The following KRTAP10-9 variants were observed in gnomAD, a reference collection of about 807,000 sequenced individuals.
KRTAP10-9 encodes the protein keratin associated protein 10-9.
A neutral mutation model predicts 0.5 loss-of-function variants in KRTAP10-9; 1 was observed. The ratio of observed to expected loss-of-function variants is 1.92; its 90% CI spans 0.68 to 9.09. The LOEUF (loss-of-function observed/expected upper bound fraction) is 9.09, where lower values mean the gene tolerates loss of function less well. Ranked by LOEUF, KRTAP10-9 falls within the 30% of genes most tolerant of loss-of-function variation. KRTAP10-9 has a pLI of 0.13. For missense variants in KRTAP10-9, 391 were observed against 376.4 expected, an observed-to-expected ratio of 1.04 and a Z score of -0.32; for synonymous variants, 199 against 159.8, an observed-to-expected ratio of 1.25 and a Z score of -1.85.
In KRTAP10-9 at chr21:44,627,823, G is replaced by A; in HGVS notation, c.652G>A (p.Ala218Thr). Residue 218 changes from alanine (A) to threonine (T), a missense_variant, in exon 1 of 1, where the codon GCT becomes ACT. Coordinates refer to ENST00000397911, the MANE Select transcript of KRTAP10-9 (RefSeq NM_198690.3). ...CTGCCAGCAGTCTGGCTGCCAGCCGGCTTGCTGCACCACCTCCTGCTGCAG... is the reference window on the plus strand; with the variant it reads ...CTGCCAGCAGTCTGGCTGCCAGCCGACTTGCTGCACCACCTCCTGCTGCAG... ...LCCQQSGCQP[A>T]CCTTSCCRPS... 6.2e-7 allele frequency: 1 copy of A among 1,613,630 alleles called. No homozygotes were observed. Among genetic ancestry groups the A allele is most frequent in the South Asian group, 1.1e-5 (1 of 91,012 alleles).
At position 44,627,258 on chromosome 21, in the gene KRTAP10-9, C is replaced by T. The variant is rs782342104; in HGVS notation, c.87C>T (p.Pro29=). The T allele has an allele frequency of 2.5e-6, 4 of 1,612,604 alleles. No homozygotes were observed. The highest frequency in any genetic ancestry group is 2.7e-5 in the African/African-American group (2 of 74,892). The change falls in exon 1 of 1, where the codon CCC becomes CCT. Residue 29 remains proline, a synonymous_variant. Coordinates refer to ENST00000397911, the MANE Select transcript of KRTAP10-9 (RefSeq NM_198690.3). The part of the protein sequence containing the change: ...VDDCPESCCE[P]PCCATSCCAP... The stretch of plus-strand genomic sequence containing the variant: ...ACTGCCCAGAGAGCTGCTGTGAGCC[C>T]CCCTGCTGCGCCACCAGCTGCTGCG...
rs201634375 is a variant in KRTAP10-9, at chr21:44,627,271, A to C, written c.100A>C (p.Thr34Pro). 1.1e-3 allele frequency: 1,709 copies of C among 1,612,302 alleles called. 15 individuals are homozygous for C. The highest frequency in any genetic ancestry group is 2.6e-3 in the Middle Eastern group (13 of 4,948). Residue 34 changes from threonine to proline, a missense_variant, in exon 1 of 1, where the codon ACC (threonine) becomes CCC (proline). By Grantham distance (38) the Thr-to-Pro change is conservative (BLOSUM62 -1). Coordinates refer to ENST00000397911, the MANE Select transcript of KRTAP10-9 (RefSeq NM_198690.3). ...ESCCEPPCCA[T>P]SCCAPAPCLT... ...CTGCTGTGAGCCCCCCTGCTGCGCC[A>C]CCAGCTGCTGCGCCCCGGCCCCCTG...
In KRTAP10-9 at chr21:44,627,361, C is replaced by T. The variant is rs782757207; in HGVS notation, c.190C>T (p.Pro64Ser). Residue 64 changes from proline (P) to serine (S), a missense_variant, in exon 1 of 1, where the codon CCC (proline) becomes TCC (serine). Pro to Ser is a moderately conservative substitution (Grantham distance 74, BLOSUM62 -1). Coordinates refer to ENST00000397911, the MANE Select transcript of KRTAP10-9 (RefSeq NM_198690.3). ...CCCCTGCTGCCAGGTGACCTGTGAG[C>T]CCAGCCCCTGCCAATCAGGCTGCAC... ...SSPCCQVTCE[P>S]SPCQSGCTSS... The T allele has an allele frequency of 2.1e-5, 34 of 1,613,558 alleles. No individual in the cohort carries two copies. The highest frequency in any genetic ancestry group is 2.6e-5 in the Non-Finnish European group (31 of 1,179,966).
rs782020384 is a variant in KRTAP10-9, at chr21:44,627,719, G to C, written c.548G>C (p.Cys183Ser). 3.8e-6 allele frequency: 6 copies of C among 1,594,936 alleles called. No homozygotes were observed. In the African/African-American group the frequency reaches 6.7e-5, roughly 18 times the overall value. ...TCCTCCCCCTGCCAGCAGTCCTACT[G>C]TGTGCCTGTCTGCTGTAAGCCTGTC... ...CTSSPCQQSY[C>S]VPVCCKPVCC... The change falls in exon 1 of 1, where the codon TGT (cysteine) becomes TCT (serine). Residue 183 changes from cysteine (C) to serine (S), a missense_variant. Coordinates refer to ENST00000397911, the MANE Select transcript of KRTAP10-9 (RefSeq NM_198690.3).
rs781816025 is a variant in KRTAP10-9, at chr21:44,627,585, G to A, written c.414G>A (p.Pro138=). 6.8e-6 allele frequency: 11 copies of A among 1,612,804 alleles called. No homozygotes were observed. Among genetic ancestry groups the A allele is most frequent in the African/African-American group, 1.3e-5 (1 of 74,502 alleles). Residue 138 remains proline (P), a synonymous_variant, in exon 1 of 1, where the codon CCG becomes CCA. Coordinates refer to ENST00000397911, the MANE Select transcript of KRTAP10-9 (RefSeq NM_198690.3). ...PACCASSSCQ[P]ACCVPVCCKP... ...GCTGTGCCTCTTCCTCCTGCCAGCC[G>A]GCCTGCTGTGTGCCCGTCTGCTGCA...
In KRTAP10-9 at chr21:44,627,735, T is replaced by C. The variant is rs1363128616; in HGVS notation, c.564T>C (p.Cys188=). The C allele has an allele frequency of 2.5e-6, 4 of 1,594,556 alleles. No individual in the cohort carries two copies. The highest frequency in any genetic ancestry group is 1.3e-5 in the African/African-American group (1 of 74,376). The change falls in exon 1 of 1, where the codon TGT becomes TGC. Residue 188 remains cysteine, a synonymous_variant. Transcript: ENST00000397911. ...CQQSYCVPVC[C]KPVCCKPICC... ...AGTCCTACTGTGTGCCTGTCTGCTGTAAGCCTGTCTGCTGCAAACCCATCT... is the reference window on the plus strand; with the variant it reads ...AGTCCTACTGTGTGCCTGTCTGCTGCAAGCCTGTCTGCTGCAAACCCATCT...
Position 44,627,741 on chromosome 21 carries a change from T to C in KRTAP10-9, c.570T>C (p.Pro190=), listed in dbSNP as rs782817682. ...ACTGTGTGCCTGTCTGCTGTAAGCC[T>C]GTCTGCTGCAAACCCATCTGCTGTG... ...QSYCVPVCCK[P]VCCKPICCVP... is the part of the protein sequence containing the mutation. The change falls in exon 1 of 1, where the codon CCT becomes CCC. Residue 190 remains proline, a synonymous_variant. Coordinates refer to ENST00000397911, the MANE Select transcript of KRTAP10-9 (RefSeq NM_198690.3). 9.4e-6 allele frequency: 15 copies of C among 1,594,480 alleles called. No individual in the cohort carries two copies. The South Asian group carries it at 1.3e-4, about 14-fold the overall frequency.
chr21:44,627,893 C>A lies in KRTAP10-9; in HGVS notation c.722C>A (p.Pro241His). Residue 241 changes from proline (P) to histidine (H), a missense_variant, in exon 1 of 1, where the codon CCC becomes CAC. Pro to His is a moderately conservative substitution (Grantham distance 77, BLOSUM62 -2). Transcript: ENST00000397911. ...VSLLCRPVCR[P>H]ACCVPVSSCC... The stretch of plus-strand genomic sequence containing the variant: ...CTCCTCTGCCGCCCTGTGTGCAGGC[C>A]CGCCTGCTGCGTGCCCGTCTCCTCC... 1 of 1,611,464 alleles carries A rather than the reference C, an allele frequency of 6.2e-7. No homozygotes were observed. The highest frequency in any genetic ancestry group is 8.5e-7 in the Non-Finnish European group (1 of 1,178,476).
rs1601503760 is a variant in KRTAP10-9, at chr21:44,627,841, T to C, written c.670T>C (p.Cys224Arg). Residue 224 changes from cysteine to arginine, a missense_variant, in exon 1 of 1, where the codon TGC becomes CGC. Coordinates refer to ENST00000397911, the MANE Select transcript of KRTAP10-9 (RefSeq NM_198690.3). ...GCQPACCTTS[C>R]CRPSSSVSLL... ...CCAGCCGGCTTGCTGCACCACCTCC[T>C]GCTGCAGACCCTCCTCCTCTGTGTC... is the stretch of plus-strand genomic sequence containing the variant. The C allele has an allele frequency of 6.2e-7, 1 of 1,613,934 alleles. No individual in the cohort carries two copies. Among genetic ancestry groups the C allele is most frequent in the Non-Finnish European group, 8.5e-7 (1 of 1,179,896 alleles).
At position 44,627,321 on chromosome 21, in the gene KRTAP10-9, G is replaced by A. The variant is rs782478571; in HGVS notation, c.150G>A (p.Val50=). The part of the protein sequence containing the change: ...APCLTLVCTP[V]SRVSSPCCQV... ...GCCTGACCCTGGTCTGCACCCCAGT[G>A]AGCCGTGTATCCAGCCCCTGCTGCC... Residue 50 remains valine (V), a synonymous_variant, in exon 1 of 1, where the codon GTG becomes GTA. Transcript: ENST00000397911. 8.7e-5 allele frequency: 141 copies of A among 1,612,874 alleles called. No homozygotes were observed. The highest frequency in any genetic ancestry group is 1.2e-4 in the Non-Finnish European group (140 of 1,179,952).
chr21:44,628,221 C>G lies in KRTAP10-9; in HGVS notation c.*171C>G, dbSNP rs112351109. On this transcript the variant is annotated 3_prime_UTR_variant, in exon 1 of 1. Coordinates refer to ENST00000397911, the MANE Select transcript of KRTAP10-9 (RefSeq NM_198690.3). ...ACTGGCTCCTCCCTGACCTCCCCCC[C>G]GGGCAGGCGAGCCCTGGCTTCTCCT... The G allele has an allele frequency of 4.1e-5, 29 of 701,794 alleles. No individual in the cohort carries two copies. The highest frequency in any genetic ancestry group is 3.6e-4 in the African/African-American group (16 of 44,532). The allele number at this position is 701,794 out of a possible 1,614,324, so 43.5% of individuals were successfully genotyped here.
rs587626492 is a variant in KRTAP10-9, at chr21:44,628,331, C to G, written c.*281C>G. On this transcript the variant is annotated 3_prime_UTR_variant, in exon 1 of 1. Coordinates refer to ENST00000397911, the MANE Select transcript of KRTAP10-9 (RefSeq NM_198690.3). ...CTCCTGACCCGGGTCTCACCCCCAG[C>G]AGCGTCACCCTCTGCCCCTGAGCAC... 18 of 383,182 alleles carry G rather than the reference C, an allele frequency of 4.7e-5. No individual in the cohort carries two copies. The highest frequency in any genetic ancestry group is 3.4e-4 in the East Asian group (9 of 26,554). 23.7% of individuals were successfully genotyped at this position (383,182 alleles called of 1,614,324 possible). A position where few individuals can be genotyped will look rare whatever the true frequency, so the allele number is the denominator to read the frequency against.
Position 44,627,946 on chromosome 21 carries a change from C to T in KRTAP10-9, c.775C>T (p.Pro259Ser), listed in dbSNP as rs201168617. ...SCCAPTSSRQPSYCRQASCVS... is the reference protein window; with the variant it reads ...SCCAPTSSRQSSYCRQASCVS... The stretch of plus-strand genomic sequence containing the variant: ...CTGTGCCCCCACCTCCTCCCGCCAG[C>T]CCAGCTATTGCCGCCAGGCCTCCTG... The change falls in exon 1 of 1, where the codon CCC (proline) becomes TCC (serine). Residue 259 changes from proline (P) to serine (S), a missense_variant. By Grantham distance (74) the Pro-to-Ser change is moderately conservative. Transcript: ENST00000397911. The T allele has an allele frequency of 2.5e-4, 384 of 1,518,200 alleles. No individual in the cohort carries two copies. Among genetic ancestry groups the T allele is most frequent in the Middle Eastern group, 8.7e-4 (5 of 5,770 alleles). The allele number at this position is 1,518,200 out of a possible 1,614,324, so 94.0% of individuals were successfully genotyped here.
chr21:44,627,666 G>A lies in KRTAP10-9; in HGVS notation c.495G>A (p.Gln165=), dbSNP rs1982934275. Reference sequence around the variant, plus strand: ...AGGATTCCTATTCATGCTGCCAACAGTCTAGCTGCCAGCCAGCTTGCTGCA... The same window carrying A: ...AGGATTCCTATTCATGCTGCCAACAATCTAGCTGCCAGCCAGCTTGCTGCA... ...CSEDSYSCCQ[Q]SSCQPACCTS... Residue 165 remains glutamine, a synonymous_variant, in exon 1 of 1, where the codon CAG becomes CAA. Coordinates refer to ENST00000397911, the MANE Select transcript of KRTAP10-9 (RefSeq NM_198690.3). 6.2e-7 allele frequency: 1 copy of A among 1,613,656 alleles called. No homozygotes were observed. Among genetic ancestry groups the A allele is most frequent in the Middle Eastern group, 1.7e-4 (1 of 6,060 alleles).
Position 44,628,141 on chromosome 21 carries a change from A to G in KRTAP10-9, c.*91A>G, listed in dbSNP as rs55791671. 0.011 allele frequency: 15,975 copies of G among 1,476,716 alleles called. 107 individuals are homozygous for G. Among genetic ancestry groups the G allele is most frequent in the Non-Finnish European group, 0.012 (13,460 of 1,087,286 alleles). 91.5% of individuals were successfully genotyped at this position (1,476,716 alleles called of 1,614,324 possible). A position where few individuals can be genotyped will look rare whatever the true frequency, so the allele number is the denominator to read the frequency against. ...GCCCACCCAGCCTCAGCACAGCTCA[A>G]CACAGAAGGAGCAGCCCCAGCCACA... On this transcript the variant is annotated 3_prime_UTR_variant, in exon 1 of 1. Coordinates refer to ENST00000397911, the MANE Select transcript of KRTAP10-9 (RefSeq NM_198690.3).
In KRTAP10-9 at chr21:44,627,265, T is replaced by G. The variant is rs782010385; in HGVS notation, c.94T>G (p.Cys32Gly). 1 of 1,612,614 alleles carries G rather than the reference T, an allele frequency of 6.2e-7. No homozygotes were observed. Among genetic ancestry groups the G allele is most frequent in the East Asian group, 2.2e-5 (1 of 44,882 alleles). ...AGAGAGCTGCTGTGAGCCCCCCTGC[T>G]GCGCCACCAGCTGCTGCGCCCCGGC... is the stretch of plus-strand genomic sequence containing the variant. The part of the protein sequence containing the change: ...CPESCCEPPC[C>G]ATSCCAPAPC... Residue 32 changes from cysteine to glycine, a missense_variant, in exon 1 of 1, where the codon TGC becomes GGC. Physicochemically the swap from Cys to Gly is radical, Grantham distance 159. Transcript: ENST00000397911.
At position 44,628,088 on chromosome 21, in the gene KRTAP10-9, A is replaced by AC. The variant is rs782272960; in HGVS notation, c.*40dup. 1.9e-6 allele frequency: 3 copies of AC among 1,579,572 alleles called. No individual in the cohort carries two copies. The South Asian group carries it at 3.6e-5, about 19-fold the overall frequency. Reference sequence around the variant, plus strand: ...CCAGGGCCAGCCGGGCTCAGGCCCCACCTCCCTGCCAGTCCTTGGACCTCC... The same window carrying AC: ...CCAGGGCCAGCCGGGCTCAGGCCCCACCCTCCCTGCCAGTCCTTGGACCTCC... On this transcript the variant is annotated 3_prime_UTR_variant, in exon 1 of 1. Coordinates refer to ENST00000397911, the MANE Select transcript of KRTAP10-9 (RefSeq NM_198690.3).
rs9980512 is a variant in KRTAP10-9 at position 44,628,300 on chromosome 21, C to T, written c.*250C>T. 0.064 allele frequency: 14,515 copies of T among 225,920 alleles called. 2,343 individuals carry two copies. Among genetic ancestry groups the T allele is most frequent in the Admixed American group, 0.14 (1,331 of 9,664 alleles). The allele number at this position is 225,920 out of a possible 1,614,324, so 14.0% of individuals were successfully genotyped here. A position where few individuals can be genotyped will look rare whatever the true frequency, so the allele number is the denominator to read the frequency against. ...CCCTCCGCTGGTCGCTGGTTGGGGA[C>T]GGGCCCTCCTGACCCGGGTCTCACC... On this transcript the variant is annotated 3_prime_UTR_variant, in exon 1 of 1. Coordinates refer to ENST00000397911, the MANE Select transcript of KRTAP10-9 (RefSeq NM_198690.3).
rs587748715 is a variant in KRTAP10-9 at position 44,627,205 on chromosome 21, G to C, written c.34G>C (p.Ala12Pro). 16 of 1,612,816 alleles carry C rather than the reference G, an allele frequency of 9.9e-6. No individual in the cohort carries two copies. In the South Asian group the frequency reaches 1.1e-4, roughly 11 times the overall value. ...AASTMSIRSS[A>P]YSDSWQVDDC... ...GTCCACCATGTCCATCCGCTCCAGC[G>C]CTTACTCCGACTCCTGGCAGGTGGA... is the stretch of plus-strand genomic sequence containing the variant. Residue 12 changes from alanine to proline, a missense_variant, in exon 1 of 1, where the codon GCT becomes CCT. Ala to Pro is a conservative substitution (Grantham distance 27). Coordinates refer to ENST00000397911, the MANE Select transcript of KRTAP10-9 (RefSeq NM_198690.3).
Sources: gnomAD v4.1 joint callset for allele counts on GRCh38, gnomAD v4.1.1 for gene constraint, MANE v1.5 for transcripts, NCBI Gene and HGNC (gene_info 2026-07-23, HGNC 2026-07-21) for gene names.